The following SPMAP2L variants were observed in gnomAD, a reference collection of about 807,000 sequenced individuals.
The protein encoded by SPMAP2L is sperm microtubule associated protein 2-like.
At chr4:56,615,748 A>AAAAC in the SPMAP2L span, among the ~76,000 whole-genome samples, 9,954 of 150,670 alleles carry the variant, frequency 0.066, 366 homozygotes, top group East Asian at 0.11. Context: ...ACTGTATCTC[A>AAAAC]AAACAAACAA....
chr4:56,599,058 G>T, the SPMAP2L span, among the ~76,000 whole-genome samples: 6 of 151,878 alleles, frequency 4.0e-5, no homozygotes, highest in Admixed American at 3.9e-4. Context: ...CTCCCCAATG[G>T]AACTGTGATT....
the SPMAP2L span, chr4:56,559,303 CAAAAAAAA>C: frequency 4.5e-6 from 3 of 663,098 alleles, no homozygotes; most frequent in South Asian, 6.9e-5. Context: ...AAGACTGTCT[CAAAAAAAA>C]AAAAAAAAAA....
At chr4:56,552,655 TC>T in the SPMAP2L span, 2 of 1,099,868 alleles carry the variant, frequency 1.8e-6, no homozygotes, top group Non-Finnish European at 2.7e-6. Context: ...ATGATTGTGT[TC>T]ATTACATAAA....
chr4:56,592,579 C>T, the SPMAP2L span, among the ~76,000 whole-genome samples: 3 of 152,228 alleles, frequency 2.0e-5, no homozygotes, highest in South Asian at 2.1e-4. Flanking sequence ...CAGCCGCCAC[C>T]CGGGGGACCG....
chr4:56,598,186 C>A, the SPMAP2L span, among the ~76,000 whole-genome samples: 16 of 152,106 alleles, frequency 1.1e-4, no homozygotes, highest in African/African-American at 3.9e-4. Flanking sequence ...TTTGAGTGAG[C>A]ATTTAAAAGA....
At chr4:56,570,011 C>A in the SPMAP2L span, among the ~76,000 whole-genome samples, 1 of 152,186 alleles carries the variant, frequency 6.6e-6, no homozygotes, top group African/African-American at 2.4e-5. Context: ...TGTGATCCTA[C>A]TTTTATTTTA....
chr4:56,599,704 C>G, the SPMAP2L span, among the ~76,000 whole-genome samples: 3 of 152,196 alleles, frequency 2.0e-5, no homozygotes, highest in African/African-American at 4.8e-5. Context: ...GCTTCCAGCT[C>G]CATCCATATC....
chr4:56,553,472 C>T, the SPMAP2L span, among the ~76,000 whole-genome samples: 14 of 149,746 alleles, frequency 9.3e-5, no homozygotes, highest in Admixed American at 2.7e-4. Flanking sequence ...GGATTACAGA[C>T]GTGAGCCACC....
chr4:56,542,035 A>C, the SPMAP2L span, among the ~76,000 whole-genome samples: 7 of 152,222 alleles, frequency 4.6e-5, no homozygotes, highest in African/African-American at 1.7e-4. Flanking sequence ...TCAAATTAGG[A>C]CTTAAACAAG....
At chr4:56,606,318 G>T in the SPMAP2L span, among the ~76,000 whole-genome samples, 2 of 152,182 alleles carry the variant, frequency 1.3e-5, no homozygotes, top group Non-Finnish European at 2.9e-5. Context: ...TGCTCTTGGA[G>T]AATTACTTTC....
chr4:56,606,863 G>C, the SPMAP2L span, among the ~76,000 whole-genome samples: 282 of 152,244 alleles, frequency 1.9e-3, no homozygotes, highest in African/African-American at 6.4e-3. Flanking sequence ...AATTGGGAAG[G>C]GGGCAGTGGA....
At chr4:56,547,250 T>C in the SPMAP2L span, among the ~76,000 whole-genome samples, 2 of 151,770 alleles carry the variant, frequency 1.3e-5, no homozygotes, top group East Asian at 3.9e-4. Flanking sequence ...CTCTTTTTTT[T>C]TTTTTTTTTG....
At chr4:56,594,422 C>T in the SPMAP2L span, 3 of 1,598,392 alleles carry the variant, frequency 1.9e-6, no homozygotes, top group Admixed American at 1.7e-5. Context: ...GGACCAAGCT[C>T]AAGGATATCA....
chr4:56,613,025 A>G, the SPMAP2L span, among the ~76,000 whole-genome samples: 5 of 152,062 alleles, frequency 3.3e-5, no homozygotes, highest in Non-Finnish European at 7.4e-5. Flanking sequence ...AGCCAGGCCC[A>G]TAAGGGTCCC....
chr4:56,564,098 A>G, the SPMAP2L span, among the ~76,000 whole-genome samples: 23,538 of 151,440 alleles, frequency 0.16, 1,935 homozygotes, highest in East Asian at 0.22. Flanking sequence ...TCTTTCAGAC[A>G]GTTTATTAAT....
chr4:56,547,895 T>C, the SPMAP2L span, among the ~76,000 whole-genome samples: 4 of 152,196 alleles, frequency 2.6e-5, no homozygotes, highest in South Asian at 8.3e-4. Context: ...CCATTTCTTC[T>C]GTTTTGGACA....
the SPMAP2L span, among the ~76,000 whole-genome samples, chr4:56,620,391 T>G: frequency 6.6e-6 from 1 of 151,906 alleles, no homozygotes; most frequent in Non-Finnish European, 1.5e-5. Flanking sequence ...TTCTAGTTTT[T>G]TTTTTTTTTT....
At chr4:56,594,485 C>A in the SPMAP2L span, 2 of 1,606,110 alleles carry the variant, frequency 1.2e-6, no homozygotes, top group African/African-American at 2.7e-5. Context: ...AGGTTATGAC[C>A]AGGTCTGTTT....
chr4:56,612,891 G>T, the SPMAP2L span, among the ~76,000 whole-genome samples: 1 of 152,056 alleles, frequency 6.6e-6, no homozygotes, highest in Non-Finnish European at 1.5e-5. Flanking sequence ...ATTGCTGGTT[G>T]CAGGGCCTAG....
Sources: gnomAD v4.1 joint callset for allele counts (sites outside exome capture counted in the v4.1 genomes callset) on GRCh38, gnomAD v4.1.1 for gene constraint, MANE v1.5 for transcripts, NCBI Gene and HGNC (gene_info 2026-07-23, HGNC 2026-07-21) for gene names.